Variants in CCDC88B observed in about 807,000 individuals in gnomAD.
CCDC88B encodes the protein coiled-coil domain-containing protein 88B.
In CCDC88B, 138 loss-of-function variants were observed where a neutral mutation model predicts 183.7. That is an observed-to-expected ratio of 0.75 (90% CI 0.65 to 0.87). CCDC88B has a LOEUF of 0.87. Among genes scored for constraint, CCDC88B ranks in the 40% least tolerant of loss-of-function variants. The pLI, the probability that CCDC88B is intolerant of heterozygous loss-of-function variation, is 0.00. For synonymous variants in CCDC88B, 835 were observed against 867.5 expected (o/e 0.96, Z 0.66); for missense variants, 1,822 against 1,965.6 (o/e 0.93, Z 1.38).
At chr11:64,356,795 T>G (rs1591304052) in intron 26 of CCDC88B, 2 of 488,386 alleles carry the variant, frequency 4.1e-6, no homozygotes, top group Non-Finnish European at 7.2e-6. Context: ...GGTGCTGGGG[T>G]GGGCCTCAGA....
rs200803890 is a variant in CCDC88B at position 64,344,360 on chromosome 11, C to G, written c.1819C>G (p.Pro607Ala). Reference sequence around the variant, plus strand: ...CCAGAGCCCTGCCTCTGTGGCCCCACCTCAGGGTCCAGGGACCAAAATTCA... The same window carrying G: ...CCAGAGCCCTGCCTCTGTGGCCCCAGCTCAGGGTCCAGGGACCAAAATTCA... The part of the protein sequence containing the change: ...SLQSPASVAP[P>A]QGPGTKIQAP... Residue 607 changes from proline to alanine, a missense_variant, in exon 14 of 27, where the codon CCT becomes GCT. Transcript: ENST00000356786. The surrounding 1 kb of genome is among the most constrained non-coding windows in gnomAD (Gnocchi z 4.5). 1.3e-6 allele frequency: 2 copies of G among 1,590,718 alleles called. No homozygotes were observed. Among genetic ancestry groups the G allele is most frequent in the East Asian group, 4.5e-5 (2 of 44,704 alleles).
intron 24 of CCDC88B, 46 bp downstream of exon 24, chr11:64,354,216 C>T: frequency 7.7e-7 from 1 of 1,299,204 alleles, no homozygotes; most frequent in Non-Finnish European, 9.8e-7. Context: ...GCCCCACATC[C>T]TCTGTCCCCC....
At chr11:64,343,150 G>A (rs1242019032) in intron 10 of CCDC88B, 29 bp from the exon 11 acceptor site, 3 of 1,507,232 alleles carry the variant, frequency 2.0e-6, no homozygotes, top group East Asian at 2.5e-5. Context: ...GGGCTGCGTG[G>A]CTACCGGTTC....
At position 64,354,053 on chromosome 11, in the gene CCDC88B, C is replaced by A. The variant is rs758603220; in HGVS notation, c.3982C>A (p.Arg1328=). 1.4e-6 allele frequency: 2 copies of A among 1,438,364 alleles called. No individual in the cohort carries two copies. Among genetic ancestry groups the A allele is most frequent in the Non-Finnish European group, 1.8e-6 (2 of 1,089,062 alleles). The allele number at this position is 1,438,364 out of a possible 1,614,324, so 89.1% of individuals were successfully genotyped here. ...GGTGAAGAGGCTGATGCGGCCCCGGCGGGAGGGGGGCCCCCCTGGGGGGCT... is the reference window on the plus strand; with the variant it reads ...GGTGAAGAGGCTGATGCGGCCCCGGAGGGAGGGGGGCCCCCCTGGGGGGCT... The part of the protein sequence containing the change: ...DKVKRLMRPR[R]EGGPPGGLRL... Residue 1328 remains arginine (R), a synonymous_variant, in exon 24 of 27, where the codon CGG becomes AGG. Coordinates refer to ENST00000356786, the MANE Select transcript of CCDC88B (RefSeq NM_032251.6).
chr11:64,343,641 G>A (rs775318856), intron 12 of CCDC88B, 26 bp downstream of exon 12: 13 of 1,549,426 alleles, frequency 8.4e-6, no homozygotes, highest in Non-Finnish European at 1.0e-5. Context: ...GGAAGGGCTG[G>A]GGTGGGGGCT....
At chr11:64,356,303 T>G (rs2036544829) in intron 26 of CCDC88B, 2 of 152,074 alleles carry the variant, frequency 1.3e-5, no homozygotes, top group African/African-American at 4.8e-5. Context: ...CAGACGTGAT[T>G]TTTTTCATAG....
intron 17 of CCDC88B, 102 bp from the exon 18 acceptor site, chr11:64,351,374 C>T: frequency 1.3e-6 from 2 of 1,523,932 alleles, no homozygotes; most frequent in Non-Finnish European, 1.8e-6. Flanking sequence ...TCACAGTGGG[C>T]CCGGGGGTGG....
At position 64,357,144 on chromosome 11, in the gene CCDC88B, G is replaced by A. The variant is rs542173883; in HGVS notation, c.*50G>A. The A allele has an allele frequency of 6.2e-7, 1 of 1,607,038 alleles. No individual in the cohort carries two copies. Among genetic ancestry groups the A allele is most frequent in the South Asian group, 1.1e-5 (1 of 90,964 alleles). On this transcript the variant is annotated 3_prime_UTR_variant, in exon 27 of 27. Coordinates refer to ENST00000356786, the MANE Select transcript of CCDC88B (RefSeq NM_032251.6). ...AGTGCAGCCTTCTCGGCACTGGAGT[G>A]TCAGCGGAGGCCCCAGGCAGCCCAA...
In CCDC88B at chr11:64,352,234, C is replaced by T. The variant is rs764466901; in HGVS notation, c.3204C>T (p.Arg1068=). The change falls in exon 19 of 27, where the codon CGC becomes CGT. Residue 1068 remains arginine, a synonymous_variant. Coordinates refer to ENST00000356786, the MANE Select transcript of CCDC88B (RefSeq NM_032251.6). ...RAARQSQEET[R]GQQQALLRDH... ...CACGGCAGTCCCAGGAGGAGACCCG[C>T]GGGCAGCAGCAGGCCCTGCTTCGGG... 1.6e-5 allele frequency: 25 copies of T among 1,609,110 alleles called. No individual in the cohort carries two copies. Among genetic ancestry groups the T allele is most frequent in the East Asian group, 4.5e-5 (2 of 44,724 alleles).
At chr11:64,351,656 GC>G in intron 18 of CCDC88B, 40 bp downstream of exon 18, 3 of 1,511,528 alleles carry the variant, frequency 2.0e-6, no homozygotes, top group Non-Finnish European at 2.6e-6. Flanking sequence ...CCCATGTACT[GC>G]CCCCTCCTGC....
chr11:64,352,453 G>A, intron 19 of CCDC88B, 67 bp downstream of exon 19: 3 of 1,472,010 alleles, frequency 2.0e-6, no homozygotes, highest in Non-Finnish European at 2.7e-6. Flanking sequence ...ACTCCCCTCA[G>A]CAGGTCTGAC....
At position 64,355,344 on chromosome 11, in the gene CCDC88B, A is replaced by T. The variant is rs761620511; in HGVS notation, c.4250A>T (p.Gln1417Leu). ...TTCAGCCCTGGGGACACCCCTAGGC[A>T]ACGATTCCGACAGCGCCATCCAGGC... ...ESFSPGDTPR[Q>L]RFRQRHPGPL... Residue 1417 changes from glutamine (Q) to leucine (L), a missense_variant, in exon 25 of 27, where the codon CAA (glutamine) becomes CTA (leucine). Gln to Leu is a moderately radical substitution (Grantham distance 113). Transcript: ENST00000356786. 1.3e-6 allele frequency: 2 copies of T among 1,593,296 alleles called. No homozygotes were observed. Among genetic ancestry groups the T allele is most frequent in the South Asian group, 1.1e-5 (1 of 88,378 alleles).
chr11:64,354,203 C>A, intron 24 of CCDC88B, 33 bp downstream of exon 24: 1 of 1,318,890 alleles, frequency 7.6e-7, no homozygotes, highest in Non-Finnish European at 9.7e-7. Context: ...CAGGATGGTC[C>A]CTGCCCCACA....
intron 2 of CCDC88B, 64 bp downstream of exon 2, chr11:64,340,816 G>A (rs909398066): frequency 1.2e-4 from 193 of 1,552,220 alleles, no homozygotes; most frequent in Non-Finnish European, 1.4e-4. Context: ...GCGGGTGGGC[G>A]GAGCCTGATG....
chr11:64,345,124 G>A lies in CCDC88B; in HGVS notation c.2583G>A (p.Glu861=), dbSNP rs759472145. The A allele has an allele frequency of 6.5e-7, 1 of 1,549,006 alleles. No individual in the cohort carries two copies. The highest frequency in any genetic ancestry group is 8.7e-7 in the Non-Finnish European group (1 of 1,151,934). Residue 861 remains glutamate, a synonymous_variant, in exon 14 of 27, where the codon GAG becomes GAA. Transcript: ENST00000356786. ...SEGRQHLEEA[E]RERREKEALQ... ...GCCGCCAGCACTTGGAGGAGGCTGA[G>A]AGGGAGCGCCGGGAGAAGGAGGCCC...
intron 10 of CCDC88B, 98 bp downstream of exon 10, chr11:64,342,778 T>A: frequency 1.5e-6 from 2 of 1,331,562 alleles, no homozygotes; most frequent in Admixed American, 3.0e-5. Context: ...GCAGGTTCTC[T>A]GGAGGGGACA....
Position 64,349,682 on chromosome 11 carries a change from G to A in CCDC88B, c.2862+14G>A, listed in dbSNP as rs367956137. 72 of 1,573,992 alleles carry A rather than the reference G, an allele frequency of 4.6e-5. No homozygotes were observed. Among genetic ancestry groups the A allele is most frequent in the Admixed American group, 9.2e-5 (5 of 54,270 alleles). ...GAGCTGTTCCAGGTGATGCCTGCCCGCCTGGGAGCTGGGGGCCATGCCACC... is the reference window on the plus strand; with the variant it reads ...GAGCTGTTCCAGGTGATGCCTGCCCACCTGGGAGCTGGGGGCCATGCCACC... On this transcript the variant is annotated intron_variant, in intron 16 of 26. Transcript: ENST00000356786.
intron 12 of CCDC88B, 51 bp from the exon 13 acceptor site, chr11:64,343,727 T>A: frequency 6.5e-7 from 1 of 1,529,040 alleles, no homozygotes; most frequent in Non-Finnish European, 8.8e-7. Flanking sequence ...GGTGTGTATG[T>A]GAGGAGCCAG....
At chr11:64,343,102 G>A in intron 10 of CCDC88B, 77 bp from the exon 11 acceptor site, 1 of 1,442,934 alleles carries the variant, frequency 6.9e-7, no homozygotes, top group Non-Finnish European at 9.1e-7. Flanking sequence ...CAGGCTGAGG[G>A]GAAGGAGTTT....
Sources: gnomAD v4.1 joint callset for allele counts on GRCh38, gnomAD v4.1.1 for gene constraint, Gnocchi (gnomAD v3.1) non-coding constraint, MANE v1.5 for transcripts, NCBI Gene and HGNC (gene_info 2026-07-23, HGNC 2026-07-21) for gene names.